RGS6: variants seen among roughly 807,000 people sequenced by gnomAD.
The protein encoded by RGS6 is regulator of G-protein signaling 6.
RGS6 carries 30 observed loss-of-function variants against 78.5 expected under a neutral mutation model. The observed-to-expected ratio is 0.38, with a 90% CI of 0.29 to 0.52. The LOEUF is 0.52. RGS6 is among the 20% of genes least tolerant of loss of function. The pLI, the probability that RGS6 is intolerant of heterozygous loss-of-function variation, is 0.85. For synonymous variants in RGS6, 206 were observed against 206.0 expected (o/e 1.00, Z 0.00); for missense variants, 495 against 609.7 (o/e 0.81, Z 1.98).
chr14:72,122,740 GTTT>G (rs34605194), intron 2 of RGS6, among the ~76,000 whole-genome samples: 3 of 132,312 alleles, frequency 2.3e-5, no homozygotes, highest in African/African-American at 2.8e-5. Context: ...CTAAGTTATC[GTTT>G]TTTTTTTTTT....
chr14:72,140,477 T>C (rs2096524406), intron 2 of RGS6, among the ~76,000 whole-genome samples: 1 of 152,210 alleles, frequency 6.6e-6, no homozygotes, highest in Admixed American at 6.5e-5. Flanking sequence ...ATCAGAATGA[T>C]AGGCCATAGG....
intron 3 of RGS6, among the ~76,000 whole-genome samples, chr14:72,436,436 A>G (rs1006428806): frequency 3.3e-5 from 5 of 149,640 alleles, no homozygotes; most frequent in Non-Finnish European, 5.9e-5. Flanking sequence ...TGTTCCAAAA[A>G]CAGACAGTAT....
At chr14:72,423,326 A>C (rs926286165) in intron 3 of RGS6, among the ~76,000 whole-genome samples, 1 of 152,160 alleles carries the variant, frequency 6.6e-6, no homozygotes, top group African/African-American at 2.4e-5. Flanking sequence ...CCTCAGGCTC[A>C]CGCTGATGGC....
intron 2 of RGS6, among the ~76,000 whole-genome samples, chr14:72,188,594 A>G (rs1372567278): frequency 6.6e-6 from 1 of 152,170 alleles, no homozygotes; most frequent in Admixed American, 6.5e-5. Flanking sequence ...CCCTTCAGTC[A>G]TTGTTACGTT....
intron 2 of RGS6, among the ~76,000 whole-genome samples, chr14:72,234,206 G>C (rs146355242): frequency 1.6e-3 from 236 of 151,994 alleles, no homozygotes; most frequent in African/African-American, 5.2e-3. Context: ...AGTTAAGACA[G>C]GCTCATCTCT....
intron 2 of RGS6, among the ~76,000 whole-genome samples, chr14:72,333,204 T>A (rs2075391634): frequency 6.6e-6 from 1 of 152,242 alleles, no homozygotes; most frequent in African/African-American, 2.4e-5. Context: ...GTAATTGAAA[T>A]GCTATTCCTG....
the RGS6 span, among the ~76,000 whole-genome samples, chr14:72,594,017 A>G: frequency 6.6e-6 from 1 of 152,060 alleles, no homozygotes; most frequent in Non-Finnish European, 1.5e-5. Flanking sequence ...GTGGGACCAG[A>G]ACCAAGATCT....
intron 2 of RGS6, among the ~76,000 whole-genome samples, chr14:72,207,200 A>T (rs2042925745): frequency 1.3e-5 from 2 of 152,228 alleles, no homozygotes; most frequent in African/African-American, 4.8e-5. Flanking sequence ...GTTTGTTTTT[A>T]AAAAATGTAA....
intron 2 of RGS6, among the ~76,000 whole-genome samples, chr14:72,184,522 TC>T (rs752612193): frequency 7.2e-5 from 11 of 152,296 alleles, no homozygotes; most frequent in Non-Finnish European, 1.6e-4. Flanking sequence ...ATTTATGCTT[TC>T]CCTGGAATAC....
chr14:72,541,129 G>A, intron 17 of RGS6: 1 of 1,368,010 alleles, frequency 7.3e-7, no homozygotes, highest in Non-Finnish European at 9.7e-7. Flanking sequence ...CATGCAGGGA[G>A]CTGGCCACAT....
intron 2 of RGS6, among the ~76,000 whole-genome samples, chr14:72,203,266 G>A (rs924871865): frequency 4.6e-5 from 7 of 152,186 alleles, no homozygotes; most frequent in African/African-American, 1.7e-4. Context: ...AGGCACAAAT[G>A]CATACTGGAG....
chr14:72,601,763 C>T, the RGS6 span, among the ~76,000 whole-genome samples: 1 of 152,242 alleles, frequency 6.6e-6, no homozygotes, highest in Non-Finnish European at 1.5e-5. Context: ...TCCATACTGG[C>T]CAGCCTAGAC....
the RGS6 span, among the ~76,000 whole-genome samples, chr14:71,882,472 T>C: frequency 6.6e-6 from 1 of 152,198 alleles, no homozygotes; most frequent in African/African-American, 2.4e-5. Flanking sequence ...TTTTAAAATA[T>C]GTGGTTCGTT....
chr14:72,436,647 C>T (rs997258131), intron 3 of RGS6, among the ~76,000 whole-genome samples: 1 of 152,142 alleles, frequency 6.6e-6, no homozygotes, highest in African/African-American at 2.4e-5. Context: ...GTGGTCATTT[C>T]CTCTTAACAT....
At chr14:72,067,297 A>G (rs1307950743) in intron 2 of RGS6, among the ~76,000 whole-genome samples, 2 of 152,104 alleles carry the variant, frequency 1.3e-5, no homozygotes, top group South Asian at 4.1e-4. Context: ...AACATCACAC[A>G]CCAAGGCCTG....
intron 3 of RGS6, among the ~76,000 whole-genome samples, chr14:72,409,685 G>T (rs1814886099): frequency 6.6e-6 from 1 of 151,904 alleles, no homozygotes; most frequent in Non-Finnish European, 1.5e-5. Context: ...TTAGCATTAG[G>T]TATATCTCTC....
chr14:72,351,106 G>C (rs2079036542), intron 2 of RGS6, among the ~76,000 whole-genome samples: 2 of 152,202 alleles, frequency 1.3e-5, no homozygotes, highest in Admixed American at 1.3e-4. Context: ...CTTATGATGT[G>C]AGCCTCTATT....
chr14:72,293,411 G>A (rs1168259614), intron 2 of RGS6, among the ~76,000 whole-genome samples: 1 of 152,044 alleles, frequency 6.6e-6, no homozygotes, highest in African/African-American at 2.4e-5. Flanking sequence ...ATTGTGATGG[G>A]GTGAGGTTTT....
At chr14:72,046,552 G>T (rs1252497589) in intron 2 of RGS6, among the ~76,000 whole-genome samples, 1 of 151,808 alleles carries the variant, frequency 6.6e-6, no homozygotes, top group East Asian at 1.9e-4. Context: ...GTGAATAGTT[G>T]CTTCCTCTCC....
Sources: gnomAD v4.1 joint callset for allele counts (sites outside exome capture counted in the v4.1 genomes callset) on GRCh38, gnomAD v4.1.1 for gene constraint, MANE v1.5 for transcripts, NCBI Gene and HGNC (gene_info 2026-07-23, HGNC 2026-07-21) for gene names.